Variants in VPS13D observed in about 807,000 individuals in gnomAD.
VPS13D encodes the protein intermembrane lipid transfer protein VPS13D.
A neutral mutation model predicts 461.9 loss-of-function variants in VPS13D; 187 were observed. That is an observed-to-expected ratio of 0.40 (90% CI 0.36 to 0.46). The LOEUF is 0.46. VPS13D is among the 20% of genes least tolerant of loss of function. The probability of loss-of-function intolerance (pLI) is 0.60; values close to 1 mark genes in which losing one functional copy is unlikely to be tolerated. For missense variants in VPS13D, 4,711 were observed against 5,364.9 expected, an observed-to-expected ratio of 0.88 and a Z score of 3.81; for synonymous variants, 1,951 against 1,986.3, an observed-to-expected ratio of 0.98 and a Z score of 0.47.
chr1:12,294,590 A>C (rs906065748), intron 24 of VPS13D, among the ~76,000 whole-genome samples: 4 of 152,210 alleles, frequency 2.6e-5, no homozygotes, highest in Non-Finnish European at 5.9e-5. Context: ...CGAGGCGGGC[A>C]GATCACGAGG....
At chr1:12,333,483 C>T in intron 38 of VPS13D, 117 bp downstream of exon 38, 1 of 1,270,598 alleles carries the variant, frequency 7.9e-7, no homozygotes, top group Non-Finnish European at 1.1e-6. Flanking sequence ...ATCACTTCTT[C>T]ATCCTGACTG....
intron 67 of VPS13D, chr1:12,478,933 T>G: frequency 2.2e-6 from 1 of 454,446 alleles, no homozygotes; most frequent in South Asian, 1.6e-5. Context: ...CCGTTTTCCT[T>G]CCCCATCACC....
At chr1:12,498,856 C>T (rs1645996587) in intron 68 of VPS13D, among the ~76,000 whole-genome samples, 1 of 152,138 alleles carries the variant, frequency 6.6e-6, no homozygotes. Flanking sequence ...ATCCTATCAG[C>T]TCAGGGCCCC....
Position 12,283,626 on chromosome 1 carries a change from C to A in VPS13D, c.5524C>A (p.His1842Asn). Residue 1842 changes from histidine to asparagine, a missense_variant, in exon 21 of 70, where the codon CAC (histidine) becomes AAC (asparagine). Physicochemically the swap from His to Asn is moderately conservative, Grantham distance 68. Around this residue, in one of 3 missense-constraint regions of VPS13D, gnomAD observed 4,411 missense variants for 4,937.8 expected, o/e 0.89. Transcript: ENST00000620676. ...TGGAATCGGCTCCACTGCAGACAAC[C>A]ACGCAATGAGGCTGCCTCCTGAGGG... ...FFGIGSTADNHAMRLPPEGIL... is the reference protein window; with the variant it reads ...FFGIGSTADNNAMRLPPEGIL... 6.2e-7 allele frequency: 1 copy of A among 1,614,176 alleles called. No homozygotes were observed. The highest frequency in any genetic ancestry group is 8.5e-7 in the Non-Finnish European group (1 of 1,180,032).
At position 12,509,770 on chromosome 1, in the gene VPS13D, C is replaced by G. The variant is rs1339880283; in HGVS notation, c.*746C>G. 2 of 152,248 alleles carry G rather than the reference C, an allele frequency of 1.3e-5. No homozygotes were observed. Among genetic ancestry groups the G allele is most frequent in the Non-Finnish European group, 2.9e-5 (2 of 68,048 alleles). The allele number at this position is 152,248 out of a possible 1,614,324, so 9.4% of individuals were successfully genotyped here. A position where few individuals can be genotyped will look rare whatever the true frequency, so the allele number is the denominator to read the frequency against. On this transcript the variant is annotated 3_prime_UTR_variant, in exon 70 of 70. Coordinates refer to ENST00000620676, the MANE Select transcript of VPS13D (RefSeq NM_015378.4). ...TCCATTTGGCTTTTTCCTAACTAGTCTTACCAAACTTAGGGGGAAACCTGT... is the reference window on the plus strand; with the variant it reads ...TCCATTTGGCTTTTTCCTAACTAGTGTTACCAAACTTAGGGGGAAACCTGT...
rs1293913289 is a variant in VPS13D, at chr1:12,276,005, C to T, written c.2417C>T (p.Ala806Val). 1.9e-6 allele frequency: 3 copies of T among 1,613,840 alleles called. No individual in the cohort carries two copies. Among genetic ancestry groups the T allele is most frequent in the Non-Finnish European group, 2.5e-6 (3 of 1,179,998 alleles). The change falls in exon 19 of 70, where the codon GCA becomes GTA. Residue 806 changes from alanine to valine, a missense_variant. Transcript: ENST00000620676. The surrounding 1 kb of genome is among the most constrained non-coding windows in gnomAD (Gnocchi z 4.5). ...GVEFSEEQLQ[A>V]HLMSTKMYER... ...GAGTTCAGTGAAGAACAGCTTCAAGCACATTTAATGAGCACAAAGATGTAT... is the reference window on the plus strand; with the variant it reads ...GAGTTCAGTGAAGAACAGCTTCAAGTACATTTAATGAGCACAAAGATGTAT...
chr1:12,333,896 TA>T (rs1219923975), intron 38 of VPS13D, among the ~76,000 whole-genome samples: 1 of 152,192 alleles, frequency 6.6e-6, no homozygotes, highest in African/African-American at 2.4e-5. Flanking sequence ...ATGTCATGAA[TA>T]AAAACTGCTC....
chr1:12,426,283 C>G (rs1644924132), intron 65 of VPS13D, among the ~76,000 whole-genome samples: 1 of 152,192 alleles, frequency 6.6e-6, no homozygotes, highest in African/African-American at 2.4e-5. Context: ...CAGAGCAGAG[C>G]TTTGGACCAC....
rs1641715808 is a variant in VPS13D at position 12,279,533 on chromosome 1, T to G, written c.4485T>G (p.Phe1495Leu). The change falls in exon 20 of 70, where the codon TTT (phenylalanine) becomes TTG (leucine). Residue 1495 changes from phenylalanine (F) to leucine (L), a missense_variant. Phe to Leu is a conservative substitution (Grantham distance 22). Coordinates refer to ENST00000620676, the MANE Select transcript of VPS13D (RefSeq NM_015378.4). This position sits in a 1 kb window ranked among gnomAD's most constrained non-coding sequence, Gnocchi z 4.3. ...TCCTGAACAACACCACCATTCAGTT[T>G]AAACTGGAGAAGATCCCTATAGAGA... ...FHILNNTTIQ[F>L]KLEKIPIERE... 6 of 1,608,864 alleles carry G rather than the reference T, an allele frequency of 3.7e-6. No homozygotes were observed. Among genetic ancestry groups the G allele is most frequent in the Non-Finnish European group, 5.1e-6 (6 of 1,176,380 alleles).
At chr1:12,331,678 C>T (rs2101555207) in intron 37 of VPS13D, among the ~76,000 whole-genome samples, 1 of 144,534 alleles carries the variant, frequency 6.9e-6, no homozygotes, top group Non-Finnish European at 1.5e-5. Flanking sequence ...TGCCACTGCA[C>T]TCCAGCCTAG....
intron 23 of VPS13D, among the ~76,000 whole-genome samples, chr1:12,292,911 T>C (rs1642176103): frequency 6.6e-6 from 1 of 152,172 alleles, no homozygotes; most frequent in African/African-American, 2.4e-5. Flanking sequence ...TAATGTAAAA[T>C]TCTCAATTTC....
At chr1:12,379,892 C>G (rs909709715) in intron 57 of VPS13D, among the ~76,000 whole-genome samples, 3 of 151,982 alleles carry the variant, frequency 2.0e-5, no homozygotes, top group Non-Finnish European at 4.4e-5. Context: ...CCTCAGCCTC[C>G]CGAGTAGCTG....
chr1:12,394,428 A>G (rs921301190), intron 60 of VPS13D, among the ~76,000 whole-genome samples: 3 of 152,302 alleles, frequency 2.0e-5, no homozygotes, highest in African/African-American at 7.2e-5. Context: ...TATGGTAGCT[A>G]TGCCCACCTT....
chr1:12,487,888 T>C lies in VPS13D; in HGVS notation c.12663-9612T>C, dbSNP rs573502207. 1.9e-4 allele frequency among the ~76,000 whole-genome samples: 29 copies of C among 152,348 alleles called. No individual in the cohort carries two copies. The South Asian group carries it at 6.0e-3, about 32-fold the overall frequency. On this transcript the variant is annotated intron_variant, in intron 67 of 69. Coordinates refer to ENST00000620676, the MANE Select transcript of VPS13D (RefSeq NM_015378.4). ...TTTTTGAAAGCGCCTGCTGTGAGTTTTATTAATGGCACTTTTCTAAAACTT... is the reference window on the plus strand; with the variant it reads ...TTTTTGAAAGCGCCTGCTGTGAGTTCTATTAATGGCACTTTTCTAAAACTT...
intron 7 of VPS13D, 116 bp downstream of exon 7, chr1:12,253,942 T>A: frequency 2.6e-6 from 2 of 761,162 alleles, no homozygotes; most frequent in Non-Finnish European, 2.2e-6. Flanking sequence ...CACCCACTGT[T>A]CCTCTAAAGC....
intron 66 of VPS13D, among the ~76,000 whole-genome samples, chr1:12,458,424 T>C (rs546403484): frequency 9.6e-4 from 146 of 152,128 alleles, no homozygotes; most frequent in Non-Finnish European, 1.5e-3. Context: ...GGGAAAGGGC[T>C]GGGTGCAGTG....
At chr1:12,365,945 C>T (rs1282743860) in intron 52 of VPS13D, among the ~76,000 whole-genome samples, 1 of 151,724 alleles carries the variant, frequency 6.6e-6, no homozygotes, top group Non-Finnish European at 1.5e-5. Flanking sequence ...GCTCTATTGC[C>T]CAGGCTTGAG....
At chr1:12,489,877 C>T (rs1192609558) in intron 67 of VPS13D, among the ~76,000 whole-genome samples, 1 of 152,156 alleles carries the variant, frequency 6.6e-6, no homozygotes, top group Non-Finnish European at 1.5e-5. Flanking sequence ...CATAATTTGC[C>T]TGTGGTTACA....
chr1:12,442,921 T>G (rs1645148084), intron 65 of VPS13D, among the ~76,000 whole-genome samples: 3 of 152,364 alleles, frequency 2.0e-5, no homozygotes, highest in Admixed American at 2.0e-4. Context: ...ATTCTGCCTT[T>G]GGTAGCATGC....
Sources: allele counts gnomAD v4.1 joint callset (sites outside exome capture counted in the v4.1 genomes callset), GRCh38; gene constraint gnomAD v4.1.1; regional missense constraint gnomAD v4.1.1; non-coding constraint Gnocchi (gnomAD v3.1); transcripts MANE v1.5; gene names NCBI Gene and HGNC (gene_info 2026-07-23, HGNC 2026-07-21).